The following COG4 variants were observed in gnomAD, a reference collection of about 807,000 sequenced individuals.
The protein encoded by COG4 is component of oligomeric golgi complex 4.
A neutral mutation model predicts 95.1 loss-of-function variants in COG4; 65 were observed. The ratio of observed to expected loss-of-function variants is 0.68; its 90% confidence interval spans 0.56 to 0.84. The LOEUF is 0.84. Ranked by LOEUF, COG4 falls within the 40% of genes least tolerant of loss-of-function variation. The pLI, the probability that COG4 is intolerant of heterozygous loss-of-function variation, is 0.00. For missense variants in COG4, 1,045 were observed against 989.1 expected, an observed-to-expected ratio of 1.06 and a Z score of -0.76; for synonymous variants, 421 against 374.8, an observed-to-expected ratio of 1.12 and a Z score of -1.42.
intron 12 of COG4, among the ~76,000 whole-genome samples, chr16:70,491,520 C>CAAAA (rs72213284): frequency 1.5e-3 from 83 of 54,744 alleles, no homozygotes; most frequent in African/African-American, 4.8e-3. Context: ...GACTCTGTCT[C>CAAAA]AAAAAAAAAA....
At chr16:70,495,942 T>C (rs1256708988) in intron 12 of COG4, among the ~76,000 whole-genome samples, 2 of 152,158 alleles carry the variant, frequency 1.3e-5, no homozygotes, top group Non-Finnish European at 2.9e-5. Context: ...GCACAGATGG[T>C]AGAGCTGGTT....
In COG4 at chr16:70,509,324, G is replaced by C. The variant is rs780402255; in HGVS notation, c.909C>G (p.Leu303=). Reference sequence around the variant, plus strand: ...CCTGCAGATATTTGATCAGGGTATAGAGTCTCCCTGGCCCATAATAGGTCT... The same window carrying C: ...CCTGCAGATATTTGATCAGGGTATACAGTCTCCCTGGCCCATAATAGGTCT... ...IVETYYGPGR[L]YTLIKYLQVE... is the part of the protein sequence containing the mutation. Residue 303 remains leucine (L), a synonymous_variant, in exon 7 of 19, where the codon CTC becomes CTG. Coordinates refer to ENST00000323786, the MANE Select transcript of COG4 (RefSeq NM_015386.3). 8 of 1,614,178 alleles carry C rather than the reference G, an allele frequency of 5.0e-6. 1 individual carries two copies. The highest frequency in any genetic ancestry group is 3.3e-5 in the Admixed American group (2 of 60,008).
Position 70,481,695 on chromosome 16 carries a change from G to A in COG4, c.2106+69C>T, listed in dbSNP as rs879042342. ...AGACAGAGGGGATGCAAGTCCTGGG[G>A]GTGGTGGCATGACATGTCTTCCTCA... On this transcript the variant is annotated intron_variant, in intron 17 of 18. Transcript: ENST00000323786. 4.5e-5 allele frequency: 64 copies of A among 1,426,720 alleles called. No individual in the cohort carries two copies. In the East Asian group the frequency reaches 8.8e-4, roughly 20 times the overall value. The allele number at this position is 1,426,720 out of a possible 1,614,324, so 88.4% of individuals were successfully genotyped here.
At chr16:70,500,314 G>T (rs2049421646) in intron 9 of COG4, among the ~76,000 whole-genome samples, 1 of 151,628 alleles carries the variant, frequency 6.6e-6, no homozygotes, top group African/African-American at 2.4e-5. Context: ...ATTGTGACTG[G>T]GGGAACTGGG....
chr16:70,523,514 C>G lies in COG4; in HGVS notation c.30G>C (p.Ser10=), dbSNP rs199876102. The G allele has an allele frequency of 2.5e-6, 4 of 1,614,028 alleles. No homozygotes were observed. The highest frequency in any genetic ancestry group is 3.3e-5 in the Admixed American group (2 of 60,010). ...GCTGCACCCCTGACAGCTTCGGAGGCGAATCAAGGTCCGCCATCTTGGTCC... is the reference window on the plus strand; with the variant it reads ...GCTGCACCCCTGACAGCTTCGGAGGGGAATCAAGGTCCGCCATCTTGGTCC... The part of the protein sequence containing the change: MGTKMADLD[S]PPKLSGVQQP... Residue 10 remains serine (S), a synonymous_variant, in exon 1 of 19, where the codon TCG becomes TCC. Coordinates refer to ENST00000323786, the MANE Select transcript of COG4 (RefSeq NM_015386.3).
intron 13 of COG4, among the ~76,000 whole-genome samples, chr16:70,489,755 G>A (rs1168534387): frequency 1.5e-5 from 2 of 131,002 alleles, no homozygotes; most frequent in Middle Eastern, 4.3e-3. Context: ...TAGATGAGAG[G>A]ACTGAGGCTC....
At chr16:70,510,114 CT>C in intron 5 of COG4, 93 bp from the exon 6 acceptor site, 13 of 1,041,718 alleles carry the variant, frequency 1.2e-5, no homozygotes, top group East Asian at 2.5e-5. Flanking sequence ...CATTGACTTT[CT>C]TTTTTTTCAC....
chr16:70,511,589 T>A (rs1224691072), intron 5 of COG4, among the ~76,000 whole-genome samples: 1 of 151,766 alleles, frequency 6.6e-6, no homozygotes. Context: ...GGCATGTGCC[T>A]GCAGTCTCAA....
chr16:70,492,765 C>T (rs1597663956), intron 12 of COG4, among the ~76,000 whole-genome samples: 1 of 151,660 alleles, frequency 6.6e-6, no homozygotes, highest in African/African-American at 2.4e-5. Flanking sequence ...GAGTTCGAGA[C>T]CATCCTGGCC....
Position 70,514,438 on chromosome 16 carries a change from C to G in COG4, c.441G>C (p.Gln147His), listed in dbSNP as rs1374211997. ...CATAATCTTCACTCCTCAAAGCAGT[C>G]TGAACTCCATCCATGCAGAACTTCA... The part of the protein sequence containing the change: ...LDLKFCMDGV[Q>H]TALRSEDYEQ... Residue 147 changes from glutamine (Q) to histidine (H), a missense_variant, in exon 4 of 19, where the codon CAG (glutamine) becomes CAC (histidine). Coordinates refer to ENST00000323786, the MANE Select transcript of COG4 (RefSeq NM_015386.3). 37 of 1,614,014 alleles carry G rather than the reference C, an allele frequency of 2.3e-5. No homozygotes were observed. Among genetic ancestry groups the G allele is most frequent in the Non-Finnish European group, 3.1e-5 (37 of 1,179,984 alleles).
rs1230042422 is a variant in COG4 at position 70,517,757 on chromosome 16, T to C, written c.255-17A>G. ...AGATTAGGACTGGAGAAATACATTG[T>C]TAGCATACACATAACGATAGGGCAG... On this transcript the variant is annotated splice_polypyrimidine_tract_variant and intron_variant, in intron 2 of 18. Transcript: ENST00000323786. The C allele has an allele frequency of 1.3e-6, 2 of 1,535,042 alleles. No homozygotes were observed. Among genetic ancestry groups the C allele is most frequent in the Admixed American group, 1.7e-5 (1 of 59,898 alleles).
rs59126839 is a variant in COG4 at position 70,502,601 on chromosome 16, TA to T, written c.1062-1511del. Among the ~76,000 whole-genome samples the T allele has an allele frequency of 3.1e-3, 442 of 140,484 alleles. 2 individuals are homozygous for T. The highest frequency in any genetic ancestry group is 0.01 in the Admixed American group (146 of 13,980). 92.2% of individuals were successfully genotyped at this position (140,484 alleles called of 152,430 possible). A position where few individuals can be genotyped will look rare whatever the true frequency, so the allele number is the denominator to read the frequency against. On this transcript the variant is annotated intron_variant, in intron 8 of 18. Transcript: ENST00000323786. ...GGGCAACAAGAGTGAAACTCCGTCT[TA>T]AAAAAAAAAAAAAATTATCAGTGTC...
chr16:70,481,837 C>G lies in COG4; in HGVS notation c.2033G>C (p.Ser678Thr). Residue 678 changes from serine (S) to threonine (T), a missense_variant, in exon 17 of 19, where the codon AGC becomes ACC. By Grantham distance (58) the Ser-to-Thr change is moderately conservative. Coordinates refer to ENST00000323786, the MANE Select transcript of COG4 (RefSeq NM_015386.3). Reference sequence around the variant, plus strand: ...AAGGCTAGTCATGAGGCCGGTTAGGCTGTCGTAGATGACCGGGGACAGGCT... The same window carrying G: ...AAGGCTAGTCATGAGGCCGGTTAGGGTGTCGTAGATGACCGGGGACAGGCT... ...KASLSPVIYD[S>T]LTGLMTSLVA... 6.2e-7 allele frequency: 1 copy of G among 1,613,964 alleles called. No individual in the cohort carries two copies. Among genetic ancestry groups the G allele is most frequent in the Non-Finnish European group, 8.5e-7 (1 of 1,179,994 alleles).
intron 5 of COG4, among the ~76,000 whole-genome samples, chr16:70,511,719 C>T (rs1053821028): frequency 1.6e-4 from 24 of 151,742 alleles, no homozygotes; most frequent in African/African-American, 5.1e-4. Context: ...GATCACCTGA[C>T]GTTGGGAGTT....
intron 2 of COG4, 42 bp from the exon 3 acceptor site, chr16:70,517,782 G>A (rs781248470): frequency 7.2e-7 from 1 of 1,391,766 alleles, no homozygotes; most frequent in Non-Finnish European, 1.0e-6. Context: ...CGATAGGGCA[G>A]AGAAGAGACA....
At chr16:70,511,945 A>G (rs1312888670) in intron 5 of COG4, among the ~76,000 whole-genome samples, 6 of 152,070 alleles carry the variant, frequency 3.9e-5, no homozygotes, top group African/African-American at 4.8e-5. Flanking sequence ...AAAAAAAAAA[A>G]GAGTGATTCA....
intron 17 of COG4, 102 bp downstream of exon 17, chr16:70,481,662 T>C (rs2048995278): frequency 7.4e-7 from 1 of 1,343,964 alleles, no homozygotes; most frequent in African/African-American, 1.4e-5. Context: ...GCAGGGCCTG[T>C]GGGCAGCAGA....
At chr16:70,486,619 T>C (rs57525508) in intron 13 of COG4, among the ~76,000 whole-genome samples, 5,365 of 152,288 alleles carry the variant, frequency 0.035, 320 homozygotes, top group African/African-American at 0.12. Context: ...GAATTTCTAA[T>C]ATTTCCCCAA....
rs768897804 is a variant in COG4 at position 70,501,025 on chromosome 16, G to T, written c.1128C>A (p.Phe376Leu). The T allele has an allele frequency of 3.6e-5, 58 of 1,613,920 alleles. No individual in the cohort carries two copies. The Admixed American group carries it at 9.3e-4, about 26-fold the overall frequency. Residue 376 changes from phenylalanine (F) to leucine (L), a missense_variant, in exon 9 of 19, where the codon TTC becomes TTA. By Grantham distance (22) the Phe-to-Leu change is conservative. Coordinates refer to ENST00000323786, the MANE Select transcript of COG4 (RefSeq NM_015386.3). ...MNARSELYLRFLKKRISSDFE... is the reference protein window; with the variant it reads ...MNARSELYLRLLKKRISSDFE... ...AATCAGAGCTAATCCTCTTCTTGAG[G>T]AAGCGTAAGTATAGCTCACTGCGGG...
Sources: allele counts gnomAD v4.1 joint callset (sites outside exome capture counted in the v4.1 genomes callset), GRCh38; gene constraint gnomAD v4.1.1; transcripts MANE v1.5; gene names NCBI Gene and HGNC (gene_info 2026-07-23, HGNC 2026-07-21).